The following ATP2B2 variants were observed in gnomAD, a reference collection of about 807,000 sequenced individuals.
The protein encoded by ATP2B2 is plasma membrane calcium-transporting ATPase 2.
In ATP2B2, 15 loss-of-function variants were observed where a neutral mutation model predicts 120.0. That is an observed-to-expected ratio of 0.12 (90% CI 0.08 to 0.19). ATP2B2 has a LOEUF of 0.19. Ranked by LOEUF, ATP2B2 falls within the 10% of genes least tolerant of loss-of-function variation. The probability of loss-of-function intolerance (pLI) is 1.00; values close to 1 mark genes in which losing one functional copy is unlikely to be tolerated. For missense variants in ATP2B2, 1,045 were observed against 1,719.8 expected (o/e 0.61, Z 6.94); for synonymous variants, 694 against 700.3 (o/e 0.99, Z 0.14).
chr3:10,352,405 G>C (rs762002006), intron 14 of ATP2B2, among the ~76,000 whole-genome samples: 1 of 152,350 alleles, frequency 6.6e-6, no homozygotes. Context: ...AGTTCTGAGC[G>C]TGGCTGTCTT....
intron 1 of ATP2B2, among the ~76,000 whole-genome samples, chr3:10,662,939 G>C (rs1006861993): frequency 6.6e-6 from 1 of 152,056 alleles, no homozygotes; most frequent in Non-Finnish European, 1.5e-5. Context: ...CATGTCCTTT[G>C]TAGGGACATG....
At chr3:10,420,984 T>C (rs575999922) in intron 2 of ATP2B2, among the ~76,000 whole-genome samples, 2 of 152,152 alleles carry the variant, frequency 1.3e-5, no homozygotes, top group Admixed American at 1.3e-4. Context: ...GATGAAAACT[T>C]AGTGGTCCCT....
At chr3:10,542,390 A>G (rs543300989) in intron 2 of ATP2B2, among the ~76,000 whole-genome samples, 2 of 152,344 alleles carry the variant, frequency 1.3e-5, no homozygotes, top group South Asian at 4.1e-4. Flanking sequence ...AAACTCAAGA[A>G]GAGAAGGAAA....
At chr3:10,568,695 G>T (rs1023642112) in intron 2 of ATP2B2, among the ~76,000 whole-genome samples, 1 of 152,156 alleles carries the variant, frequency 6.6e-6, no homozygotes, top group Non-Finnish European at 1.5e-5. Flanking sequence ...ATAAGCTCAG[G>T]CAACATCCCT....
chr3:10,611,591 C>T (rs114973491), intron 2 of ATP2B2, among the ~76,000 whole-genome samples: 1,575 of 152,258 alleles, frequency 0.01, 26 homozygotes, highest in African/African-American at 0.036. Context: ...CTCTTTTGAG[C>T]GACTCACATG....
At chr3:10,595,125 G>A (rs1342227015) in intron 2 of ATP2B2, among the ~76,000 whole-genome samples, 1 of 152,348 alleles carries the variant, frequency 6.6e-6, no homozygotes, top group Middle Eastern at 3.4e-3. Flanking sequence ...GATGCTGACC[G>A]CAGTGCATTC....
intron 1 of ATP2B2, among the ~76,000 whole-genome samples, chr3:10,621,775 A>G (rs1004470776): frequency 1.3e-5 from 2 of 152,172 alleles, no homozygotes; most frequent in African/African-American, 2.4e-5. Flanking sequence ...CACTGCTATT[A>G]CTCCCACATT....
Position 10,559,111 on chromosome 3 carries a change from C to G in ATP2B2, c.-414-24978G>C, listed in dbSNP as rs59135345. 6.3e-3 allele frequency among the ~76,000 whole-genome samples: 960 copies of G among 152,332 alleles called. 6 individuals are homozygous for G. The highest frequency in any genetic ancestry group is 0.022 in the African/African-American group (923 of 41,564). On this transcript the variant is annotated intron_variant, in intron 2 of 21. Transcript: ENST00000646379. ...CTCAGTTTTGAAATGCAAGTCCCCCCAGGAGGGGTAGTAAGATGAACGATA... is the reference window on the plus strand; with the variant it reads ...CTCAGTTTTGAAATGCAAGTCCCCCGAGGAGGGGTAGTAAGATGAACGATA...
At chr3:10,558,260 T>C (rs1477571050) in intron 2 of ATP2B2, among the ~76,000 whole-genome samples, 3 of 152,190 alleles carry the variant, frequency 2.0e-5, no homozygotes, top group Non-Finnish European at 4.4e-5. Flanking sequence ...ATGGGTATGA[T>C]TCATCCCAGC....
chr3:10,361,728 C>G (rs2060906342), intron 12 of ATP2B2, among the ~76,000 whole-genome samples: 1 of 152,212 alleles, frequency 6.6e-6, no homozygotes, highest in Admixed American at 6.5e-5. Flanking sequence ...CTTTAAGGAC[C>G]AGCTCAAATA....
intron 5 of ATP2B2, among the ~76,000 whole-genome samples, chr3:10,392,611 C>T (rs1198961728): frequency 2.0e-5 from 3 of 152,222 alleles, no homozygotes; most frequent in Admixed American, 6.5e-5. Flanking sequence ...CCTTGTGGGA[C>T]CTCACTGTCC....
chr3:10,564,447 C>T (rs1225125506), intron 2 of ATP2B2, among the ~76,000 whole-genome samples: 1 of 152,224 alleles, frequency 6.6e-6, no homozygotes, highest in Non-Finnish European at 1.5e-5. Flanking sequence ...TCCTCCCCAA[C>T]AGTGGGGGCA....
chr3:10,529,314 A>G (rs1374312403), intron 3 of ATP2B2, among the ~76,000 whole-genome samples: 1 of 152,246 alleles, frequency 6.6e-6, no homozygotes, highest in African/African-American at 2.4e-5. Context: ...AACAACAGCC[A>G]GTTGCGTACT....
intron 1 of ATP2B2, among the ~76,000 whole-genome samples, chr3:10,469,899 C>T (rs1358703685): frequency 1.3e-5 from 2 of 152,056 alleles, no homozygotes; most frequent in Non-Finnish European, 2.9e-5. Flanking sequence ...CAGCTCGCGC[C>T]TTGGTTGCCT....
At chr3:10,507,266 C>T (rs4684700), upstream of ATP2B2, among the ~76,000 whole-genome samples, 97,292 of 152,036 alleles carry the variant, frequency 0.64, 33,189 homozygotes, top group East Asian at 0.86. Flanking sequence ...TAGCCCAAGA[C>T]TGGGGGCTTC....
At chr3:10,625,414 G>A (rs1219528015) in intron 1 of ATP2B2, among the ~76,000 whole-genome samples, 1 of 152,174 alleles carries the variant, frequency 6.6e-6, no homozygotes, top group African/African-American at 2.4e-5. Flanking sequence ...GAACGGGTCA[G>A]GGCCTTCTCT....
chr3:10,700,365 T>A (rs965137516), intron 1 of ATP2B2, among the ~76,000 whole-genome samples: 2 of 152,124 alleles, frequency 1.3e-5, no homozygotes, highest in Non-Finnish European at 2.9e-5. Context: ...ACAAATAACA[T>A]GATTTCCTGC....
chr3:10,558,276 C>T (rs1053265924), intron 2 of ATP2B2, among the ~76,000 whole-genome samples: 5 of 152,192 alleles, frequency 3.3e-5, no homozygotes, highest in Non-Finnish European at 7.3e-5. Context: ...CCAGCCTTGA[C>T]CAAACCAAGC....
At chr3:10,528,840 T>C (rs774692725) in intron 3 of ATP2B2, among the ~76,000 whole-genome samples, 2 of 152,240 alleles carry the variant, frequency 1.3e-5, no homozygotes, top group Admixed American at 1.3e-4. Context: ...ATGCCCGTGA[T>C]CCCGGCTACT....
Sources: gnomAD v4.1 joint callset for allele counts (sites outside exome capture counted in the v4.1 genomes callset) on GRCh38, gnomAD v4.1.1 for gene constraint, MANE v1.5 for transcripts, NCBI Gene and HGNC (gene_info 2026-07-23, HGNC 2026-07-21) for gene names.